SHISA9: variants seen among roughly 807,000 people sequenced by gnomAD.
SHISA9 encodes shisa family member 9, also known as protein shisa-9.
Under a neutral mutation model 38.0 loss-of-function variants are expected in SHISA9, and 13 were observed. The ratio of observed to expected loss-of-function variants is 0.34; its 90% CI spans 0.22 to 0.54. The LOEUF (loss-of-function observed/expected upper bound fraction) is 0.54, where lower values mean the gene tolerates loss of function less well. Among genes scored for constraint, SHISA9 ranks in the 20% least tolerant of loss-of-function variants. The probability of loss-of-function intolerance (pLI) is 0.91; values close to 1 mark genes in which losing one functional copy is unlikely to be tolerated. For missense variants in SHISA9, 538 were observed against 575.8 expected, an observed-to-expected ratio of 0.93 and a Z score of 0.67; for synonymous variants, 275 against 242.0, an observed-to-expected ratio of 1.14 and a Z score of -1.27.
intron 4 of SHISA9, among the ~76,000 whole-genome samples, chr16:13,228,191 C>A (rs2051297718): frequency 6.6e-6 from 1 of 152,182 alleles, no homozygotes; most frequent in African/African-American, 2.4e-5. Context: ...TGCAGACTTT[C>A]TTTTTCACTC....
chr16:13,169,835 G>A (rs1363154006), intron 2 of SHISA9, among the ~76,000 whole-genome samples: 1 of 152,064 alleles, frequency 6.6e-6, no homozygotes, highest in South Asian at 2.1e-4. Flanking sequence ...GCTTTCCTGG[G>A]TTGCACTGGG....
intron 3 of SHISA9, among the ~76,000 whole-genome samples, chr16:13,210,831 G>A (rs1319189213): frequency 6.6e-6 from 1 of 152,208 alleles, no homozygotes; most frequent in East Asian, 1.9e-4. Flanking sequence ...ATATTCAAGA[G>A]TGCTTGACTT....
chr16:13,532,766 C>T, the SHISA9 span, among the ~76,000 whole-genome samples: 4 of 152,154 alleles, frequency 2.6e-5, no homozygotes, highest in African/African-American at 9.7e-5. Context: ...TCCACAGATC[C>T]TGCTTTCAAA....
chr16:13,528,857 GT>G, the SHISA9 span, among the ~76,000 whole-genome samples: 6 of 152,192 alleles, frequency 3.9e-5, no homozygotes, highest in Non-Finnish European at 8.8e-5. Flanking sequence ...ACCCCATAAA[GT>G]TTTAGTATGG....
At chr16:13,333,884 C>A in the SHISA9 span, among the ~76,000 whole-genome samples, 2 of 152,282 alleles carry the variant, frequency 1.3e-5, no homozygotes, top group African/African-American at 4.8e-5. Flanking sequence ...AACCTTGTTA[C>A]AAAGGATAGC....
At chr16:13,114,761 G>A (rs2141970950) in intron 2 of SHISA9, among the ~76,000 whole-genome samples, 1 of 151,754 alleles carries the variant, frequency 6.6e-6, no homozygotes, top group South Asian at 2.1e-4. Context: ...ATAGATTTAT[G>A]TGTCCATAAT....
At chr16:12,944,821 C>G (rs534865466) in intron 2 of SHISA9, among the ~76,000 whole-genome samples, 1 of 152,178 alleles carries the variant, frequency 6.6e-6, no homozygotes, top group Non-Finnish European at 1.5e-5. Context: ...TTCCTACAAG[C>G]AGATGCTGAG....
At chr16:12,921,237 A>G (rs1477971843) in intron 2 of SHISA9, among the ~76,000 whole-genome samples, 1 of 152,230 alleles carries the variant, frequency 6.6e-6, no homozygotes, top group Non-Finnish European at 1.5e-5. Context: ...TGATGACTTG[A>G]TGTTTTAGAA....
the SHISA9 span, among the ~76,000 whole-genome samples, chr16:13,503,723 A>T: frequency 6.6e-6 from 1 of 152,056 alleles, no homozygotes; most frequent in African/African-American, 2.4e-5. Flanking sequence ...TTAACCCACC[A>T]CAGATTCATC....
chr16:13,553,483 G>A, the SHISA9 span, among the ~76,000 whole-genome samples: 1 of 152,096 alleles, frequency 6.6e-6, no homozygotes, highest in Non-Finnish European at 1.5e-5. Context: ...CTAGCAAAAA[G>A]GTAAAGCAGG....
intron 2 of SHISA9, among the ~76,000 whole-genome samples, chr16:13,113,328 G>A (rs780491156): frequency 1.3e-5 from 2 of 152,090 alleles, no homozygotes; most frequent in African/African-American, 4.8e-5. Context: ...CTCCCTCAAG[G>A]GGCCAGTCAC....
At chr16:13,031,847 A>G (rs187899186) in intron 2 of SHISA9, among the ~76,000 whole-genome samples, 1 of 152,216 alleles carries the variant, frequency 6.6e-6, no homozygotes, top group Non-Finnish European at 1.5e-5. Context: ...AAATTTCCTC[A>G]GTGAGAAACA....
chr16:13,366,982 C>CAAAAAA, the SHISA9 span, among the ~76,000 whole-genome samples: 5 of 92,534 alleles, frequency 5.4e-5, no homozygotes, highest in Non-Finnish European at 4.4e-5. Flanking sequence ...GGCTCCATCT[C>CAAAAAA]AAAAAAAAAA....
At chr16:13,552,672 G>T in the SHISA9 span, among the ~76,000 whole-genome samples, 100 of 152,240 alleles carry the variant, frequency 6.6e-4, no homozygotes, top group Middle Eastern at 3.4e-3. Context: ...TGAAAAGACC[G>T]GCCCAGGGGG....
intron 2 of SHISA9, among the ~76,000 whole-genome samples, chr16:13,036,801 C>A (rs1368705491): frequency 6.6e-6 from 1 of 151,392 alleles, no homozygotes; most frequent in East Asian, 1.9e-4. Context: ...GGACAGCACC[C>A]CCAGTACTAA....
intron 2 of SHISA9, among the ~76,000 whole-genome samples, chr16:13,049,622 T>A (rs1391387902): frequency 1.3e-5 from 2 of 152,262 alleles, no homozygotes; most frequent in African/African-American, 4.8e-5. Flanking sequence ...CAGCATGATT[T>A]TTTTTCTCTA....
chr16:13,040,675 A>G (rs2073122937), intron 2 of SHISA9, among the ~76,000 whole-genome samples: 1 of 152,206 alleles, frequency 6.6e-6, no homozygotes, highest in Non-Finnish European at 1.5e-5. Context: ...CTTAATGCAT[A>G]CAATGCCCCA....
rs528618274 is a variant in SHISA9, at chr16:12,946,876, C to A, written c.691+30061C>A. Among the ~76,000 whole-genome samples, 171 of 152,330 alleles carry A rather than the reference C, an allele frequency of 1.1e-3. 1 individual carries two copies. Among genetic ancestry groups the A allele is most frequent in the Admixed American group, 1.6e-3 (25 of 15,298 alleles). ...GCCCATGGGGGAATTCCTGCTTGCC[C>A]CCTGTTATTGTAAATTAAGTTTTAC... On this transcript the variant is annotated intron_variant, in intron 2 of 4. Transcript: ENST00000558583.
intron 4 of SHISA9, among the ~76,000 whole-genome samples, chr16:13,216,684 G>A (rs974600844): frequency 1.3e-5 from 2 of 152,160 alleles, no homozygotes; most frequent in Non-Finnish European, 2.9e-5. Flanking sequence ...ATGTCACTGG[G>A]GAGCAGTGGG....
Sources: gnomAD v4.1 joint callset for allele counts (sites outside exome capture counted in the v4.1 genomes callset) on GRCh38, gnomAD v4.1.1 for gene constraint, MANE v1.5 for transcripts, NCBI Gene and HGNC (gene_info 2026-07-23, HGNC 2026-07-21) for gene names.